CEP41: variants seen among roughly 807,000 people sequenced by gnomAD.
The protein encoded by CEP41 is centrosomal protein 41, also known as centrosomal protein of 41 kDa.
In CEP41, 32 loss-of-function variants were observed where a neutral mutation model predicts 44.3. That is an observed-to-expected ratio of 0.72 (90% CI 0.54 to 0.97). CEP41 has a LOEUF of 0.97. Ranked by LOEUF, CEP41 falls within the 50% of genes least tolerant of loss-of-function variation. The pLI is 0.00. For synonymous variants in CEP41, 151 were observed against 168.5 expected, an observed-to-expected ratio of 0.90 and a Z score of 0.80; for missense variants, 432 against 455.2, an observed-to-expected ratio of 0.95 and a Z score of 0.46.
intron 5 of CEP41, among the ~76,000 whole-genome samples, chr7:130,407,416 A>T (rs1797049206): frequency 6.6e-6 from 1 of 152,102 alleles, no homozygotes; most frequent in Non-Finnish European, 1.5e-5. Flanking sequence ...AAATATATGT[A>T]TATACATACA....
At chr7:130,439,656 C>G (rs577888897) in intron 1 of CEP41, among the ~76,000 whole-genome samples, 6 of 152,190 alleles carry the variant, frequency 3.9e-5, no homozygotes, top group African/African-American at 1.2e-4. Context: ...GACCATGGCT[C>G]TCTTGCAGGG....
Position 130,395,851 on chromosome 7 carries a change from C to A in CEP41, c.*3040G>T, listed in dbSNP as rs566129615. 1 of 451,228 alleles carries A rather than the reference C, an allele frequency of 2.2e-6. No homozygotes were observed. Among genetic ancestry groups the A allele is most frequent in the Admixed American group, 2.4e-5 (1 of 42,208 alleles). 28.0% of individuals were successfully genotyped at this position (451,228 alleles called of 1,614,324 possible). A position where few individuals can be genotyped will look rare whatever the true frequency, so the allele number is the denominator to read the frequency against. On this transcript the variant is annotated 3_prime_UTR_variant, in exon 11 of 11. Transcript: ENST00000223208. ...GGATTTATACCAAGCCCAATATGAT[C>A]GTGCTGGTCCTGGCTAACCACTAAA...
chr7:130,404,021 G>A (rs891297290), intron 6 of CEP41, among the ~76,000 whole-genome samples: 5 of 152,110 alleles, frequency 3.3e-5, no homozygotes, highest in African/African-American at 9.7e-5. Flanking sequence ...AGTACTACAC[G>A]GACTAAAGTC....
At chr7:130,419,873 C>A (rs1358445964) in intron 2 of CEP41, 16 of 985,230 alleles carry the variant, frequency 1.6e-5, no homozygotes, top group African/African-American at 1.7e-5. Context: ...ACTCGGCTTA[C>A]AACTCACAAG....
Position 130,401,861 on chromosome 7 carries a change from T to C in CEP41, c.642+20A>G, listed in dbSNP as rs782695009. On this transcript the variant is annotated intron_variant, in intron 8 of 10. Transcript: ENST00000223208. ...ACAATCCTCATACCACCCAATTCCT[T>C]AAAATGCAACAAAGGATACATATTC... The C allele has an allele frequency of 1.3e-6, 2 of 1,540,070 alleles. No individual in the cohort carries two copies. The highest frequency in any genetic ancestry group is 2.2e-5 in the South Asian group (2 of 89,500).
chr7:130,403,885 G>A (rs1796928860), intron 6 of CEP41, among the ~76,000 whole-genome samples: 1 of 152,132 alleles, frequency 6.6e-6, no homozygotes, highest in Non-Finnish European at 1.5e-5. Context: ...TAATAATGGT[G>A]GGATGATGAT....
Position 130,419,876 on chromosome 7 carries a change from C to T in CEP41, c.98-2910G>A, listed in dbSNP as rs532336302. ...AGCCTCTATAGCACTCGGCTTACAA[C>T]TCACAAGGCATTTATCACTGTATTG... On this transcript the variant is annotated intron_variant, in intron 2 of 10. Transcript: ENST00000223208. The T allele has an allele frequency of 3.6e-5, 35 of 985,328 alleles. No homozygotes were observed. The African/African-American group carries it at 5.6e-4, about 16-fold the overall frequency. The allele number at this position is 985,328 out of a possible 1,614,324, so 61.0% of individuals were successfully genotyped here.
At position 130,399,095 on chromosome 7, in the gene CEP41, T is replaced by G. The variant is rs1317705041; in HGVS notation, c.974-56A>C. ...TGCAAGAATGATTCCAGGGACAATC[T>G]GCCAAGTACAGTTTTAAGCTAATGA... On this transcript the variant is annotated intron_variant, in intron 10 of 10. Coordinates refer to ENST00000223208, the MANE Select transcript of CEP41 (RefSeq NM_018718.3). The G allele has an allele frequency of 1.9e-6, 3 of 1,601,398 alleles. No individual in the cohort carries two copies. In the African/African-American group the frequency reaches 4.0e-5, roughly 21 times the overall value.
intron 5 of CEP41, among the ~76,000 whole-genome samples, chr7:130,406,595 T>C (rs1480963677): frequency 1.3e-5 from 2 of 151,740 alleles, no homozygotes; most frequent in African/African-American, 4.8e-5. Context: ...AAAAAATAAA[T>C]AAATAAAAAT....
rs1584857866 is a variant in CEP41 at position 130,394,124 on chromosome 7, T to C, written c.*4767A>G. ...CGAAGGGAAAGGTACATTTTCACGGTAAGTTAGAGGCATCACCAAAGGAGA... is the reference window on the plus strand; with the variant it reads ...CGAAGGGAAAGGTACATTTTCACGGCAAGTTAGAGGCATCACCAAAGGAGA... On this transcript the variant is annotated 3_prime_UTR_variant, in exon 11 of 11. Coordinates refer to ENST00000223208, the MANE Select transcript of CEP41 (RefSeq NM_018718.3). 1 of 453,984 alleles carries C rather than the reference T, an allele frequency of 2.2e-6. No individual in the cohort carries two copies. The highest frequency in any genetic ancestry group is 2.0e-5 in the African/African-American group (1 of 49,992). 28.1% of individuals were successfully genotyped at this position (453,984 alleles called of 1,614,324 possible). A position where few individuals can be genotyped will look rare whatever the true frequency, so the allele number is the denominator to read the frequency against.
intron 2 of CEP41, among the ~76,000 whole-genome samples, chr7:130,425,632 C>G (rs1324010909): frequency 6.6e-6 from 1 of 152,134 alleles, no homozygotes; most frequent in Admixed American, 6.5e-5. Context: ...ACATTGTGAC[C>G]AGCAGTTGTA....
Position 130,396,266 on chromosome 7 carries a change from AGACG to A in CEP41, c.*2621_*2624del, listed in dbSNP as rs1554414494. 9 of 453,970 alleles carry A rather than the reference AGACG, an allele frequency of 2.0e-5. 1 individual carries two copies. The highest frequency in any genetic ancestry group is 1.4e-4 in the South Asian group (9 of 64,476). 28.1% of individuals were successfully genotyped at this position (453,970 alleles called of 1,614,324 possible). A position where few individuals can be genotyped will look rare whatever the true frequency, so the allele number is the denominator to read the frequency against. On this transcript the variant is annotated 3_prime_UTR_variant, in exon 11 of 11. Coordinates refer to ENST00000223208, the MANE Select transcript of CEP41 (RefSeq NM_018718.3). ...GACAAGGGCAGCTAGTCAACCCCTG[AGACG>A]CTGGTAGGAAGCCATGATCCAGTTG...
At chr7:130,415,944 A>C (rs1797322833) in intron 3 of CEP41, among the ~76,000 whole-genome samples, 1 of 152,276 alleles carries the variant, frequency 6.6e-6, no homozygotes, top group African/African-American at 2.4e-5. Context: ...TTGTAGCATT[A>C]GCCCTTATAG....
At chr7:130,440,845 G>A (rs2117739104) in intron 1 of CEP41, 89 bp downstream of exon 1, 1 of 1,451,606 alleles carries the variant, frequency 6.9e-7, no homozygotes, top group South Asian at 1.1e-5. Flanking sequence ...TCCGGGCGGC[G>A]GAAGTCGCTG....
intron 1 of CEP41, among the ~76,000 whole-genome samples, chr7:130,434,726 T>C (rs1302911368): frequency 6.6e-6 from 1 of 152,204 alleles, no homozygotes; most frequent in Non-Finnish European, 1.5e-5. Flanking sequence ...GTAAAATTTT[T>C]AAGCTCACAA....
chr7:130,437,764 C>CAAAAAAA (rs1171735164), intron 1 of CEP41, among the ~76,000 whole-genome samples: 30 of 32,148 alleles, frequency 9.3e-4, no homozygotes, highest in Non-Finnish European at 1.1e-3. Flanking sequence ...AAGACTGTCT[C>CAAAAAAA]AAAAAAAAAA....
rs943249159 is a variant in CEP41, at chr7:130,402,810, A to G, written c.423-11T>C. 6.2e-7 allele frequency: 1 copy of G among 1,614,094 alleles called. No individual in the cohort carries two copies. Among genetic ancestry groups the G allele is most frequent in the Admixed American group, 1.7e-5 (1 of 60,018 alleles). ...ACACCACTGATGACACTGCAAGTGA[A>G]AAAGTAGGTCAGCAGAAACTAGTCA... On this transcript the variant is annotated splice_polypyrimidine_tract_variant and intron_variant, in intron 6 of 10. Coordinates refer to ENST00000223208, the MANE Select transcript of CEP41 (RefSeq NM_018718.3).
At chr7:130,402,893 A>G in intron 6 of CEP41, 94 bp from the exon 7 acceptor site, 1 of 1,302,846 alleles carries the variant, frequency 7.7e-7, no homozygotes, top group Non-Finnish European at 1.1e-6. Flanking sequence ...TGAGTGCTCA[A>G]TGTCTTTTCA....
intron 5 of CEP41, among the ~76,000 whole-genome samples, chr7:130,409,009 T>C (rs572021107): frequency 5.9e-5 from 9 of 152,280 alleles, no homozygotes; most frequent in African/African-American, 2.2e-4. Flanking sequence ...GGTGAGGGGT[T>C]AGAGAGGAGG....
Sources: gnomAD v4.1 joint callset for allele counts (sites outside exome capture counted in the v4.1 genomes callset) on GRCh38, gnomAD v4.1.1 for gene constraint, MANE v1.5 for transcripts, NCBI Gene and HGNC (gene_info 2026-07-23, HGNC 2026-07-21) for gene names.